SIPA1L2: variants seen among roughly 807,000 people sequenced by gnomAD.
The protein encoded by SIPA1L2 is signal-induced proliferation-associated 1-like protein 2.
A neutral mutation model predicts 163.9 loss-of-function variants in SIPA1L2; 56 were observed. The ratio of observed to expected loss-of-function variants is 0.34; its 90% CI spans 0.28 to 0.43. The LOEUF (loss-of-function observed/expected upper bound fraction) is 0.43. Ranked by LOEUF, SIPA1L2 falls within the 20% of genes least tolerant of loss-of-function variation. The probability of loss-of-function intolerance (pLI) is 1.00; values close to 1 mark genes in which losing one functional copy is unlikely to be tolerated. For missense variants in SIPA1L2, 1,974 were observed against 2,193.5 expected, an observed-to-expected ratio of 0.90 and a Z score of 2.00; for synonymous variants, 877 against 865.7, an observed-to-expected ratio of 1.01 and a Z score of -0.23.
intron 15 of SIPA1L2, among the ~76,000 whole-genome samples, chr1:232,437,997 CTTG>C (rs1309889915): frequency 1.3e-5 from 2 of 152,030 alleles, no homozygotes; most frequent in Admixed American, 1.3e-4. Flanking sequence ...AAGTGCTAGA[CTTG>C]TTGTTTACAT....
chr1:232,436,573 G>A (rs531394809), intron 15 of SIPA1L2, among the ~76,000 whole-genome samples: 1 of 152,290 alleles, frequency 6.6e-6, no homozygotes, highest in Admixed American at 6.5e-5. Context: ...AAGGCTGCCT[G>A]AACTGGGACA....
chr1:232,433,626 C>A (rs776734009), intron 15 of SIPA1L2, among the ~76,000 whole-genome samples: 4 of 152,194 alleles, frequency 2.6e-5, no homozygotes, highest in Admixed American at 2.6e-4. Flanking sequence ...GGACTACCCA[C>A]CCCCGGCTGA....
intron 2 of SIPA1L2, among the ~76,000 whole-genome samples, chr1:232,567,705 TA>T (rs1304372324): frequency 1.3e-5 from 2 of 152,174 alleles, no homozygotes; most frequent in Non-Finnish European, 2.9e-5. Context: ...ACTCCTAAAA[TA>T]CTTAAAATTT....
intron 5 of SIPA1L2, 150 bp downstream of exon 5, chr1:232,490,724 A>G (rs776163054): frequency 6.9e-5 from 56 of 809,204 alleles, no homozygotes; most frequent in Non-Finnish European, 9.7e-5. Context: ...CCAAACTAGT[A>G]TAAAAACATA....
intron 8 of SIPA1L2, among the ~76,000 whole-genome samples, chr1:232,467,487 T>C (rs1664585240): frequency 6.6e-6 from 1 of 152,198 alleles, no homozygotes; most frequent in Non-Finnish European, 1.5e-5. Context: ...TCCCCCATGT[T>C]AACTCTGGGA....
chr1:232,441,853 T>C lies in SIPA1L2; in HGVS notation c.3453A>G (p.Leu1151=), dbSNP rs1662917368. Residue 1151 remains leucine, a synonymous_variant, in exon 13 of 23, where the codon CTA becomes CTG. Coordinates refer to ENST00000674635, the MANE Select transcript of SIPA1L2 (RefSeq NM_020808.5). Reference sequence around the variant, plus strand: ...GGCCTGAGCCCTGGTGTTCGAGCAGTAGAGGGGACTGGCACCTGAAAAGAA... The same window carrying C: ...GGCCTGAGCCCTGGTGTTCGAGCAGCAGAGGGGACTGGCACCTGAAAAGAA... ...QVGYDGCQSP[L]LLEHQGSGPL... The C allele has an allele frequency of 2.5e-6, 4 of 1,612,520 alleles. No homozygotes were observed. The highest frequency in any genetic ancestry group is 1.1e-5 in the South Asian group (1 of 90,578).
At chr1:232,595,496 T>G (rs777476391) in intron 1 of SIPA1L2, among the ~76,000 whole-genome samples, 2 of 152,132 alleles carry the variant, frequency 1.3e-5, no homozygotes, top group Non-Finnish European at 2.9e-5. Flanking sequence ...GGCTTCTGAC[T>G]CCTTTCAGCT....
chr1:232,536,956 C>T (rs2103097453), intron 2 of SIPA1L2, among the ~76,000 whole-genome samples: 1 of 152,296 alleles, frequency 6.6e-6, no homozygotes, highest in South Asian at 2.1e-4. Flanking sequence ...ACATTATGGG[C>T]CAAGCACGGT....
At chr1:232,576,529 C>T (rs566289502) in intron 1 of SIPA1L2, among the ~76,000 whole-genome samples, 2 of 152,280 alleles carry the variant, frequency 1.3e-5, no homozygotes, top group Non-Finnish European at 2.9e-5. Context: ...TGAGACACAA[C>T]AATATTGAAC....
At chr1:232,623,372 G>A (rs1047554775) in intron 1 of SIPA1L2, among the ~76,000 whole-genome samples, 4 of 152,172 alleles carry the variant, frequency 2.6e-5, no homozygotes, top group East Asian at 1.9e-4. Flanking sequence ...CTGGGAGGCC[G>A]AGGCGGGCAG....
intron 1 of SIPA1L2, among the ~76,000 whole-genome samples, chr1:232,616,484 G>C (rs1347071518): frequency 1.3e-5 from 2 of 152,196 alleles, no homozygotes; most frequent in South Asian, 2.1e-4. Context: ...TGCACACCTG[G>C]GTGCCCCTTC....
At chr1:232,455,649 A>G (rs571866389) in intron 10 of SIPA1L2, among the ~76,000 whole-genome samples, 2 of 126,000 alleles carry the variant, frequency 1.6e-5, no homozygotes, top group East Asian at 6.2e-4. Context: ...AGCGAGCCGG[A>G]GCTTGCAGTG....
At chr1:232,494,388 G>T (rs1666075297) in intron 3 of SIPA1L2, among the ~76,000 whole-genome samples, 1 of 152,166 alleles carries the variant, frequency 6.6e-6, no homozygotes, top group Non-Finnish European at 1.5e-5. Flanking sequence ...CTAACACACG[G>T]ATCCCTCCAG....
At chr1:232,570,805 A>G (rs1361251926) in intron 2 of SIPA1L2, among the ~76,000 whole-genome samples, 1 of 152,148 alleles carries the variant, frequency 6.6e-6, no homozygotes, top group African/African-American at 2.4e-5. Flanking sequence ...CAGACTGGAA[A>G]AAATTTAGAT....
chr1:232,482,257 T>C (rs1332876726), intron 6 of SIPA1L2, among the ~76,000 whole-genome samples: 1 of 152,122 alleles, frequency 6.6e-6, no homozygotes, highest in Non-Finnish European at 1.5e-5. Flanking sequence ...TACGTTGTAG[T>C]TTTACAGGTG....
chr1:232,495,750 AAAC>A (rs1399888847), intron 3 of SIPA1L2, among the ~76,000 whole-genome samples: 4 of 152,140 alleles, frequency 2.6e-5, no homozygotes, highest in African/African-American at 9.7e-5. Context: ...TGAGGCTGAA[AAAC>A]TACTATTGTC....
chr1:232,506,005 G>A (rs975116617), intron 3 of SIPA1L2, among the ~76,000 whole-genome samples: 4 of 152,140 alleles, frequency 2.6e-5, no homozygotes, highest in African/African-American at 7.2e-5. Context: ...ACTCAGCAGT[G>A]AAGTTCATTT....
chr1:232,530,437 C>T (rs188071403), intron 2 of SIPA1L2, among the ~76,000 whole-genome samples: 9 of 152,246 alleles, frequency 5.9e-5, no homozygotes, highest in Non-Finnish European at 2.9e-5. Context: ...CTTGCATTTA[C>T]AACCCCTGTC....
In SIPA1L2 at chr1:232,554,663, C is replaced by T. The variant is rs150692506; in HGVS notation, c.-270+19511G>A. Among the ~76,000 whole-genome samples, 20 of 152,360 alleles carry T rather than the reference C, an allele frequency of 1.3e-4. No homozygotes were observed. In the South Asian group the frequency reaches 3.3e-3, roughly 25 times the overall value. On this transcript the variant is annotated intron_variant, in intron 2 of 22. Transcript: ENST00000674635. ...ACACATATCTTGACACTGTCACACA[C>T]GTGCTGATGTTTTCTTTCTAGAAAT...
Sources: allele counts gnomAD v4.1 joint callset (sites outside exome capture counted in the v4.1 genomes callset), GRCh38; gene constraint gnomAD v4.1.1; transcripts MANE v1.5; gene names NCBI Gene and HGNC (gene_info 2026-07-23, HGNC 2026-07-21).